The following CRBN variants were observed in gnomAD, a reference collection of about 807,000 sequenced individuals.
CRBN encodes the protein protein cereblon.
In CRBN, 53 loss-of-function variants were observed where a neutral mutation model predicts 62.2. The ratio of observed to expected loss-of-function variants is 0.85; its 90% CI spans 0.68 to 1.07. The LOEUF (loss-of-function observed/expected upper bound fraction) is 1.07. CRBN is among the 50% of genes least tolerant of loss of function. The pLI, the probability that CRBN is intolerant of heterozygous loss-of-function variation, is 0.00. For missense variants in CRBN, 616 were observed against 531.1 expected (o/e 1.16, Z -1.57); for synonymous variants, 208 against 176.1 (o/e 1.18, Z -1.43).
intron 4 of CRBN, among the ~76,000 whole-genome samples, chr3:3,170,666 G>T (rs1403012073): frequency 6.6e-6 from 1 of 152,204 alleles, no homozygotes; most frequent in African/African-American, 2.4e-5. Context: ...AAGTAGTGGA[G>T]CCAAGAGAAA....
chr3:3,166,308 T>C (rs750143860), intron 5 of CRBN, among the ~76,000 whole-genome samples: 1 of 152,198 alleles, frequency 6.6e-6, no homozygotes, highest in Non-Finnish European at 1.5e-5. Context: ...TTTTCCCTGC[T>C]GCCATCTATG....
At chr3:3,156,581 C>G (rs1706902313) in intron 5 of CRBN, 1 of 401,632 alleles carries the variant, frequency 2.5e-6, no homozygotes, top group Non-Finnish European at 4.5e-6. Context: ...CACCATACTT[C>G]TATTATGACC....
At chr3:3,174,557 C>G (rs1707754067) in intron 2 of CRBN, among the ~76,000 whole-genome samples, 1 of 152,086 alleles carries the variant, frequency 6.6e-6, no homozygotes, top group South Asian at 2.1e-4. Context: ...AGGGGAATCA[C>G]TTGAACCTGG....
Position 3,152,315 on chromosome 3 carries a change from G to A in CRBN, c.1148+141C>T, listed in dbSNP as rs962425557. On this transcript the variant is annotated intron_variant, in intron 10 of 10. Transcript: ENST00000231948. ...GTACAGACCCCTGCCCCCATACCCG[G>A]CTAATTTTTGTAGCAAATTACTCAT... The A allele has an allele frequency of 4.4e-6, 4 of 917,996 alleles. No individual in the cohort carries two copies. The African/African-American group carries it at 5.1e-5, about 12-fold the overall frequency. The allele number at this position is 917,996 out of a possible 1,614,324, so 56.9% of individuals were successfully genotyped here.
At chr3:3,156,153 T>C in intron 6 of CRBN, 66 bp downstream of exon 6, 1 of 1,370,578 alleles carries the variant, frequency 7.3e-7, no homozygotes, top group African/African-American at 1.4e-5. Flanking sequence ...AACCTTTGTT[T>C]TTTAATGACC....
intron 5 of CRBN, among the ~76,000 whole-genome samples, chr3:3,165,718 T>G (rs1707301533): frequency 6.6e-6 from 1 of 152,312 alleles, no homozygotes; most frequent in Non-Finnish European, 1.5e-5. Flanking sequence ...TTGTGATACT[T>G]GTTTTATTGC....
chr3:3,149,721 T>A (rs1706350424), downstream of CRBN: 1 of 152,136 alleles, frequency 6.6e-6, no homozygotes, highest in Admixed American at 6.6e-5. Context: ...TATTCTTGAA[T>A]TTTCATTTAC....
chr3:3,168,729 T>A (rs149432743), intron 4 of CRBN, among the ~76,000 whole-genome samples: 1 of 152,172 alleles, frequency 6.6e-6, no homozygotes, highest in Admixed American at 6.5e-5. Context: ...TACTTATTTA[T>A]TAGAAGGAAA....
At chr3:3,155,507 T>A (rs1706847808) in intron 6 of CRBN, 1 of 152,980 alleles carries the variant, frequency 6.5e-6, no homozygotes, top group South Asian at 2.1e-4. Context: ...GCCCACAGAG[T>A]AAGTGACAGA....
chr3:3,179,028 CAG>C (rs369114778), intron 1 of CRBN, among the ~76,000 whole-genome samples: 17 of 152,106 alleles, frequency 1.1e-4, no homozygotes, highest in African/African-American at 3.6e-4. Flanking sequence ...AAAAACAAAA[CAG>C]AGAAGTGGTT....
intron 5 of CRBN, chr3:3,156,849 C>T (rs1450010106): frequency 2.0e-5 from 3 of 152,730 alleles, no homozygotes; most frequent in African/African-American, 7.2e-5. Context: ...AACTGAAATC[C>T]AAACAGGAGC....
chr3:3,156,102 C>T (rs768103018), intron 6 of CRBN, 117 bp downstream of exon 6: 24 of 884,144 alleles, frequency 2.7e-5, no homozygotes, highest in Admixed American at 4.1e-5. Context: ...CCACTCTTAA[C>T]GATATCTTAA....
Position 3,174,141 on chromosome 3 carries a change from GA to G in CRBN, c.294del (p.Leu99PhefsTer15). The G allele has an allele frequency of 6.2e-7, 1 of 1,614,160 alleles. No individual in the cohort carries two copies. Among genetic ancestry groups the G allele is most frequent in the Non-Finnish European group, 8.5e-7 (1 of 1,180,002 alleles). ...ACTTCTTGAGGGTGAAAAAGCTGAAGAGGTAATGTCTGTCCGGGAATCAGGA... is the reference window on the plus strand; with the variant it reads ...ACTTCTTGAGGGTGAAAAAGCTGAAGGGTAATGTCTGTCCGGGAATCAGGA... ...MMILIPGQTLPLQLFHPQEVS... is the reference protein window; with the variant it reads ...MMILIPGQTLXLQLFHPQEVS... On this transcript the variant is annotated frameshift_variant, in exon 3 of 11. Transcript: ENST00000231948. LOFTEE classifies it high-confidence loss of function.
At chr3:3,171,867 G>C (rs764228811) in intron 4 of CRBN, among the ~76,000 whole-genome samples, 1 of 152,166 alleles carries the variant, frequency 6.6e-6, no homozygotes, top group Non-Finnish European at 1.5e-5. Flanking sequence ...GGTCTGATGA[G>C]ATTTTCAACT....
intron 1 of CRBN, among the ~76,000 whole-genome samples, chr3:3,176,658 C>T (rs1707834980): frequency 6.6e-6 from 1 of 152,204 alleles, no homozygotes; most frequent in Non-Finnish European, 1.5e-5. Context: ...ATCGCTTGAA[C>T]CCAGGAGGTG....
At chr3:3,165,219 T>C (rs1467433761) in intron 5 of CRBN, among the ~76,000 whole-genome samples, 1 of 152,202 alleles carries the variant, frequency 6.6e-6, no homozygotes, top group Admixed American at 6.5e-5. Flanking sequence ...AGAAGAAATC[T>C]ACTGCTGAAG....
intron 10 of CRBN, among the ~76,000 whole-genome samples, chr3:3,151,550 A>AC (rs1706552996): frequency 6.6e-6 from 1 of 152,076 alleles, no homozygotes; most frequent in Non-Finnish European, 1.5e-5. Flanking sequence ...AGAAATACAA[A>AC]CCATGGTATT....
At chr3:3,172,035 G>A (rs549627095) in intron 4 of CRBN, 165 of 152,324 alleles carry the variant, frequency 1.1e-3, no homozygotes, top group African/African-American at 3.9e-3. Context: ...TTTAAAAGAG[G>A]ATAAAATAAA....
chr3:3,155,060 G>A, intron 6 of CRBN: 1 of 555,494 alleles, frequency 1.8e-6, no homozygotes, highest in East Asian at 3.1e-5. Context: ...TAACCCAGCG[G>A]TATATGCTCC....
Sources: gnomAD v4.1 joint callset for allele counts (sites outside exome capture counted in the v4.1 genomes callset) on GRCh38, gnomAD v4.1.1 for gene constraint, MANE v1.5 for transcripts, NCBI Gene and HGNC (gene_info 2026-07-23, HGNC 2026-07-21) for gene names.